PPP2R2D: variants seen among roughly 807,000 people sequenced by gnomAD.
PPP2R2D encodes the protein protein phosphatase 2 regulatory subunit Bdelta, also known as serine/threonine-protein phosphatase 2A 55 kDa regulatory subunit B delta isoform.
Under a neutral mutation model 31.1 loss-of-function variants are expected in PPP2R2D, and 9 were observed. That is an observed-to-expected ratio of 0.29 (90% CI 0.17 to 0.51). The LOEUF (loss-of-function observed/expected upper bound fraction) is 0.51. PPP2R2D is among the 20% of genes least tolerant of loss of function. The pLI is 0.98. For synonymous variants in PPP2R2D, 179 were observed against 172.6 expected, an observed-to-expected ratio of 1.04 and a Z score of -0.29; for missense variants, 391 against 465.6, an observed-to-expected ratio of 0.84 and a Z score of 1.48.
At chr10:131,909,575 AC>A (rs1224508892) in intron 2 of PPP2R2D, among the ~76,000 whole-genome samples, 1 of 152,154 alleles carries the variant, frequency 6.6e-6, no homozygotes, top group Non-Finnish European at 1.5e-5. Context: ...ACAGCCATAG[AC>A]CCTGCAGAGA....
At chr10:131,940,861 G>A (rs1395250117) in intron 5 of PPP2R2D, 167 bp downstream of exon 5, 5 of 524,152 alleles carry the variant, frequency 9.5e-6, no homozygotes, top group African/African-American at 7.7e-5. Context: ...TAAAAGCAAG[G>A]TCTTTCTCCT....
Position 131,955,997 on chromosome 10 carries a change from A to G in PPP2R2D, c.*34A>G, listed in dbSNP as rs1325365374. 4 of 1,416,304 alleles carry G rather than the reference A, an allele frequency of 2.8e-6. No individual in the cohort carries two copies. The highest frequency in any genetic ancestry group is 3.7e-6 in the Non-Finnish European group (4 of 1,073,418). The allele number at this position is 1,416,304 out of a possible 1,614,324, so 87.7% of individuals were successfully genotyped here. ...ACGTGAGGACCAAGTCTTGTCTTGC[A>G]TAGTTAAGCCGGACATTTTTCTGTC... On this transcript the variant is annotated 3_prime_UTR_variant, in exon 9 of 9. Transcript: ENST00000455566.
At chr10:131,941,847 C>T (rs2036447916) in intron 5 of PPP2R2D, among the ~76,000 whole-genome samples, 1 of 152,166 alleles carries the variant, frequency 6.6e-6, no homozygotes, top group African/African-American at 2.4e-5. Flanking sequence ...TCGATGTTGT[C>T]ACCGTATTTC....
chr10:131,925,295 C>T (rs563158351), intron 2 of PPP2R2D, among the ~76,000 whole-genome samples: 2 of 152,248 alleles, frequency 1.3e-5, no homozygotes, highest in South Asian at 2.1e-4. Context: ...TTTAGGTACT[C>T]TTTGTCAAGT....
chr10:131,948,839 C>G (rs1464461359), intron 8 of PPP2R2D, among the ~76,000 whole-genome samples: 2 of 152,212 alleles, frequency 1.3e-5, no homozygotes, highest in African/African-American at 4.8e-5. Flanking sequence ...AGAGTTGGAA[C>G]AGGGACCCCT....
intron 2 of PPP2R2D, among the ~76,000 whole-genome samples, chr10:131,909,280 G>A (rs982748132): frequency 2.0e-5 from 3 of 152,194 alleles, no homozygotes; most frequent in Non-Finnish European, 4.4e-5. Flanking sequence ...GACTTGAATC[G>A]TGTGCTCAGG....
At chr10:131,913,612 T>C (rs2035719902) in intron 2 of PPP2R2D, among the ~76,000 whole-genome samples, 2 of 152,178 alleles carry the variant, frequency 1.3e-5, no homozygotes, top group African/African-American at 4.8e-5. Flanking sequence ...CATGTGAGGC[T>C]TAATGATGGG....
chr10:131,924,707 A>AG (rs2036067449), intron 2 of PPP2R2D, among the ~76,000 whole-genome samples: 1 of 152,062 alleles, frequency 6.6e-6, no homozygotes. Context: ...AAAAAAAAAA[A>AG]AGGCAGCTGG....
intron 2 of PPP2R2D, among the ~76,000 whole-genome samples, chr10:131,920,824 G>T (rs1366682383): frequency 1.3e-5 from 2 of 152,172 alleles, no homozygotes; most frequent in African/African-American, 4.8e-5. Context: ...AGCTACTCAG[G>T]AGGCTGAGGC....
At chr10:131,932,661 A>AAAAAAAAAACAC (rs2036260642) in intron 2 of PPP2R2D, among the ~76,000 whole-genome samples, 1 of 149,604 alleles carries the variant, frequency 6.7e-6, no homozygotes, top group Non-Finnish European at 1.5e-5. Flanking sequence ...AAAAAAAAAA[A>AAAAAAAAAACAC]AAAAAAACAC....
Position 131,901,320 on chromosome 10 carries a change from C to A in PPP2R2D, c.90C>A (p.Asp30Glu). ...FSQVKGAIDE[D>E]VAEADIISTV... The stretch of plus-strand genomic sequence containing the variant: ...AGGTCAAGGGGGCCATCGACGAGGA[C>A]GTGGCCGAAGGTGAGCCCCGCGCCG... The change falls in exon 2 of 9, where the codon GAC becomes GAA. Residue 30 changes from aspartate to glutamate, a missense_variant. Physicochemically the swap from Asp to Glu is conservative, Grantham distance 45. This residue lies in a region of PPP2R2D where 105 missense variants were observed against 98.5 expected (regional missense o/e 1.07). Coordinates refer to ENST00000455566, the MANE Select transcript of PPP2R2D (RefSeq NM_018461.5). 2.8e-6 allele frequency: 1 copy of A among 358,146 alleles called. No homozygotes were observed. Among genetic ancestry groups the A allele is most frequent in the East Asian group, 4.1e-5 (1 of 24,458 alleles). 22.2% of individuals were successfully genotyped at this position (358,146 alleles called of 1,614,324 possible).
At chr10:131,938,005 C>CAGG (rs1390472500) in intron 3 of PPP2R2D, among the ~76,000 whole-genome samples, 1 of 148,886 alleles carries the variant, frequency 6.7e-6, no homozygotes, top group East Asian at 2.0e-4. Context: ...GTGCGGCGGA[C>CAGG]AGGGGCAGGC....
intron 2 of PPP2R2D, among the ~76,000 whole-genome samples, chr10:131,922,312 AAG>A (rs1554894351): frequency 1.3e-5 from 2 of 152,220 alleles, no homozygotes; most frequent in East Asian, 1.9e-4. Flanking sequence ...GAGAAATAAA[AAG>A]AGTGAATGTT....
rs9787590 is a variant in PPP2R2D at position 131,958,925 on chromosome 10, A to G, written c.*2962A>G. The G allele has an allele frequency of 0.31, 4,972 of 15,914 alleles. 1,034 individuals are homozygous for G. The highest frequency in any genetic ancestry group is 0.42 in the African/African-American group (1,205 of 2,892). The allele number at this position is 15,914 out of a possible 1,614,324, so 1.0% of individuals were successfully genotyped here. On this transcript the variant is annotated 3_prime_UTR_variant, in exon 9 of 9. Transcript: ENST00000455566. ...TGATCCCCCATCCCCCTGTGGAGAT[A>G]AAGGTGTGTGCTGATCCCCCATCCC... is the stretch of plus-strand genomic sequence containing the variant.
chr10:131,913,679 G>A (rs1335000586), intron 2 of PPP2R2D, among the ~76,000 whole-genome samples: 4 of 152,168 alleles, frequency 2.6e-5, no homozygotes, highest in Admixed American at 6.5e-5. Flanking sequence ...GAGCATCTGA[G>A]AGTACACTTA....
chr10:131,937,778 C>G (rs1023269417), intron 3 of PPP2R2D, among the ~76,000 whole-genome samples: 1 of 152,190 alleles, frequency 6.6e-6, no homozygotes, highest in Non-Finnish European at 1.5e-5. Context: ...ACAGATTTTT[C>G]TTTTTAAATA....
At chr10:131,960,248 C>G (rs374736055), downstream of PPP2R2D, among the ~76,000 whole-genome samples, 5 of 152,208 alleles carry the variant, frequency 3.3e-5, no homozygotes, top group East Asian at 9.6e-4. Flanking sequence ...GAGAAAACTT[C>G]TCTTTCCTGC....
At chr10:131,953,528 GT>G (rs2036731166) in intron 8 of PPP2R2D, among the ~76,000 whole-genome samples, 1 of 139,546 alleles carries the variant, frequency 7.2e-6, no homozygotes. Flanking sequence ...TGTGCAGGGG[GT>G]TTCACTGTCT....
At chr10:131,907,725 C>T (rs1235167743) in intron 2 of PPP2R2D, among the ~76,000 whole-genome samples, 1 of 146,616 alleles carries the variant, frequency 6.8e-6, no homozygotes, top group Non-Finnish European at 1.5e-5. Context: ...GCCTGGGCAG[C>T]AGAGCGAGAC....
Sources: allele counts gnomAD v4.1 joint callset (sites outside exome capture counted in the v4.1 genomes callset), GRCh38; gene constraint gnomAD v4.1.1; regional missense constraint gnomAD v4.1.1; transcripts MANE v1.5; gene names NCBI Gene and HGNC (gene_info 2026-07-23, HGNC 2026-07-21).